The following RERE variants were observed in gnomAD, a reference collection of about 807,000 sequenced individuals.
The protein encoded by RERE is arginine-glutamic acid dipeptide repeats.
In RERE, 40 loss-of-function variants were observed where a neutral mutation model predicts 146.1. The ratio of observed to expected loss-of-function variants is 0.27; its 90% CI spans 0.21 to 0.36. The LOEUF (loss-of-function observed/expected upper bound fraction) is 0.36, where lower values mean the gene tolerates loss of function less well. Among genes scored for constraint, RERE ranks in the 10% least tolerant of loss-of-function variants. The pLI, the probability that RERE is intolerant of heterozygous loss-of-function variation, is 1.00. For missense variants in RERE, 1,933 were observed against 2,138.7 expected (o/e 0.90, Z 1.90); for synonymous variants, 1,003 against 866.0 (o/e 1.16, Z -2.78).
intron 1 of RERE, among the ~76,000 whole-genome samples, chr1:8,796,004 CA>C (rs1641467049): frequency 1.5e-5 from 2 of 130,582 alleles, no homozygotes; most frequent in African/African-American, 3.0e-5. Flanking sequence ...AAAAACAAAA[CA>C]AAACAGGAAT....
chr1:8,774,951 CTTTTTTTTTT>C (rs869173167), intron 1 of RERE, among the ~76,000 whole-genome samples: 4 of 47,944 alleles, frequency 8.3e-5, no homozygotes, highest in Admixed American at 5.6e-4. Flanking sequence ...TTCTTTCTTT[CTTTTTTTTTT>C]TTTTTTTTTT....
At chr1:8,692,680 G>A (rs112025640) in intron 1 of RERE, among the ~76,000 whole-genome samples, 13 of 152,128 alleles carry the variant, frequency 8.5e-5, no homozygotes, top group South Asian at 2.1e-4. Context: ...TCTAGATTAC[G>A]TATAATACCT....
chr1:8,596,967 C>G (rs1646562177), intron 4 of RERE, among the ~76,000 whole-genome samples: 1 of 151,958 alleles, frequency 6.6e-6, no homozygotes, highest in South Asian at 2.1e-4. Context: ...TAAGAAAGGT[C>G]AAAAGCATTA....
At chr1:8,460,236 C>G (rs995517904) in intron 11 of RERE, among the ~76,000 whole-genome samples, 7 of 152,272 alleles carry the variant, frequency 4.6e-5, no homozygotes, top group African/African-American at 1.7e-4. Flanking sequence ...AAAGAGTGAA[C>G]AATGAAAACA....
intron 1 of RERE, among the ~76,000 whole-genome samples, chr1:8,736,526 A>C (rs1640201049): frequency 6.6e-6 from 1 of 152,150 alleles, no homozygotes; most frequent in Admixed American, 6.6e-5. Context: ...TCTTAAAGTG[A>C]GCATCATGTT....
At chr1:8,752,912 T>C (rs1029168615) in intron 1 of RERE, among the ~76,000 whole-genome samples, 5 of 152,186 alleles carry the variant, frequency 3.3e-5, no homozygotes, top group Admixed American at 6.5e-5. Flanking sequence ...CATTATTAAA[T>C]TGTGTATTGT....
At chr1:8,459,078 G>A (rs1644490525) in intron 11 of RERE, among the ~76,000 whole-genome samples, 1 of 152,142 alleles carries the variant, frequency 6.6e-6, no homozygotes, top group Admixed American at 6.5e-5. Flanking sequence ...TTTCCGAAAG[G>A]ACTTGACAAT....
intron 1 of RERE, among the ~76,000 whole-genome samples, chr1:8,701,304 ACACACACACACACACACACG>A (rs1382107682): frequency 1.4e-3 from 131 of 90,734 alleles, no homozygotes; most frequent in African/African-American, 6.7e-3. Flanking sequence ...ACACACACAC[ACACACACACACACACACACG>A]CACACACTCC....
chr1:8,463,909 C>T (rs977170955), intron 11 of RERE, among the ~76,000 whole-genome samples: 12 of 152,240 alleles, frequency 7.9e-5, no homozygotes, highest in East Asian at 1.9e-4. Flanking sequence ...GGTGGTTAAA[C>T]GACCACAGTC....
chr1:8,711,378 G>A (rs1639665545), intron 1 of RERE, among the ~76,000 whole-genome samples: 1 of 152,112 alleles, frequency 6.6e-6, no homozygotes, highest in African/African-American at 2.4e-5. Context: ...TTGGAAGTGT[G>A]CAGCCGTCTC....
At chr1:8,809,863 G>GA (rs1384370472) in intron 1 of RERE, among the ~76,000 whole-genome samples, 2 of 152,204 alleles carry the variant, frequency 1.3e-5, no homozygotes, top group African/African-American at 4.8e-5. Flanking sequence ...TACAAGACAT[G>GA]AAGTGATCAA....
chr1:8,398,181 C>G (rs1446308067), intron 12 of RERE, among the ~76,000 whole-genome samples: 1 of 152,218 alleles, frequency 6.6e-6, no homozygotes, highest in East Asian at 1.9e-4. Flanking sequence ...GGCAGGCATT[C>G]TGGGCAGAAC....
chr1:8,798,258 A>T (rs1641514550), intron 1 of RERE, among the ~76,000 whole-genome samples: 1 of 152,080 alleles, frequency 6.6e-6, no homozygotes, highest in Non-Finnish European at 1.5e-5. Context: ...TTAGCCAGGC[A>T]TGGTGGCGAG....
At chr1:8,798,552 T>C (rs957959954) in intron 1 of RERE, 1 of 216,918 alleles carries the variant, frequency 4.6e-6, no homozygotes, top group Non-Finnish European at 9.9e-6. Context: ...AGCAAAGATA[T>C]CATCATGAAG....
intron 4 of RERE, among the ~76,000 whole-genome samples, chr1:8,580,125 A>ACAT (rs1271136246): frequency 6.6e-6 from 1 of 152,248 alleles, no homozygotes; most frequent in Non-Finnish European, 1.5e-5. Flanking sequence ...AAGTAATTTG[A>ACAT]CATCATCTCT....
chr1:8,419,586 C>T (rs538253767), intron 12 of RERE, among the ~76,000 whole-genome samples: 1 of 152,254 alleles, frequency 6.6e-6, no homozygotes, highest in South Asian at 2.1e-4. Context: ...GAAAGGAATT[C>T]TGTACTTTTC....
intron 1 of RERE, among the ~76,000 whole-genome samples, chr1:8,768,663 A>T (rs1007582496): frequency 6.6e-6 from 1 of 152,230 alleles, no homozygotes; most frequent in African/African-American, 2.4e-5. Context: ...GAAAATGAAG[A>T]AATTTACAGG....
At chr1:8,792,986 G>A (rs1397034684) in intron 1 of RERE, among the ~76,000 whole-genome samples, 6 of 151,664 alleles carry the variant, frequency 4.0e-5, no homozygotes, top group Admixed American at 2.0e-4. Context: ...GTGAAACCCC[G>A]TTTCTACTAC....
intron 7 of RERE, among the ~76,000 whole-genome samples, chr1:8,511,198 T>C (rs1446872755): frequency 6.6e-6 from 1 of 152,182 alleles, no homozygotes; most frequent in African/African-American, 2.4e-5. Context: ...AAAAATAGGA[T>C]GCAGATAATT....
Sources: allele counts gnomAD v4.1 joint callset (sites outside exome capture counted in the v4.1 genomes callset), GRCh38; gene constraint gnomAD v4.1.1; transcripts MANE v1.5; gene names NCBI Gene and HGNC (gene_info 2026-07-23, HGNC 2026-07-21).